Variants in SPART observed in about 807,000 individuals in gnomAD.
SPART encodes spastic paraplegia 20 (Troyer syndrome).
Under a neutral mutation model 58.7 loss-of-function variants are expected in SPART, and 35 were observed. The observed-to-expected ratio is 0.60, with a 90% CI of 0.46 to 0.79. The LOEUF (loss-of-function observed/expected upper bound fraction) is 0.79, where lower values mean the gene tolerates loss of function less well. Ranked by LOEUF, SPART falls within the 30% of genes least tolerant of loss-of-function variation. The pLI, the probability that SPART is intolerant of heterozygous loss-of-function variation, is 0.00. For missense variants in SPART, 730 were observed against 786.1 expected (o/e 0.93, Z 0.85); for synonymous variants, 284 against 280.7 (o/e 1.01, Z -0.12).
intron 5 of SPART, among the ~76,000 whole-genome samples, chr13:36,325,504 A>T (rs1275389800): frequency 6.6e-6 from 1 of 152,146 alleles, no homozygotes; most frequent in African/African-American, 2.4e-5. Context: ...GGACATGGAA[A>T]TCTGAATTGA....
At chr13:36,312,590 GT>G in intron 6 of SPART, 113 bp from the exon 7 acceptor site, 1 of 1,167,722 alleles carries the variant, frequency 8.6e-7, no homozygotes, top group Non-Finnish European at 1.2e-6. Context: ...ACTATATAAT[GT>G]TACAATTTCT....
Position 36,314,282 on chromosome 13 carries a change from T to A in SPART, c.1428A>T (p.Gly476=). 6.2e-7 allele frequency: 1 copy of A among 1,614,160 alleles called. No homozygotes were observed. The change falls in exon 6 of 9, where the codon GGA becomes GGT. Residue 476 remains glycine, a synonymous_variant. Transcript: ENST00000438666. The stretch of plus-strand genomic sequence containing the variant: ...CTGTAGCTTGCTTCGCTATATAAAG[T>A]CCCTTGGTGACAGCTGGACTAACTT... The part of the protein sequence containing the change: ...PVEVSPAVTK[G]LYIAKQATGG...
At chr13:36,360,916 A>T (rs932775316) in intron 1 of SPART, among the ~76,000 whole-genome samples, 2 of 152,206 alleles carry the variant, frequency 1.3e-5, no homozygotes, top group Non-Finnish European at 2.9e-5. Context: ...GATGCCATGC[A>T]GGCTCTAAAG....
chr13:36,344,191 T>C (rs1021386340), intron 1 of SPART, among the ~76,000 whole-genome samples: 3 of 152,144 alleles, frequency 2.0e-5, no homozygotes, highest in South Asian at 2.1e-4. Context: ...TAGAAAGTCA[T>C]GTGGCTTAAA....
At chr13:36,366,186 C>T (rs191545739) in intron 1 of SPART, among the ~76,000 whole-genome samples, 7 of 152,322 alleles carry the variant, frequency 4.6e-5, no homozygotes, top group African/African-American at 1.2e-4. Flanking sequence ...CCCTACTCAG[C>T]GCCGCCTCTC....
intron 1 of SPART, among the ~76,000 whole-genome samples, chr13:36,359,689 T>G (rs1401724874): frequency 6.6e-6 from 1 of 152,136 alleles, no homozygotes; most frequent in African/African-American, 2.4e-5. Flanking sequence ...GACAGCAAAT[T>G]GCAGTAGTCA....
chr13:36,353,448 G>A (rs915064508), intron 1 of SPART, among the ~76,000 whole-genome samples: 1 of 152,184 alleles, frequency 6.6e-6, no homozygotes, highest in African/African-American at 2.4e-5. Context: ...ATACACTGGA[G>A]GTTTTTAGCA....
At chr13:36,310,288 C>T (rs1035213310) in intron 8 of SPART, among the ~76,000 whole-genome samples, 2 of 152,064 alleles carry the variant, frequency 1.3e-5, no homozygotes, top group African/African-American at 4.8e-5. Context: ...CTTCTTTTTT[C>T]TTTCTAAATA....
At chr13:36,350,367 C>T (rs967650090), upstream of SPART, among the ~76,000 whole-genome samples, 4 of 152,198 alleles carry the variant, frequency 2.6e-5, no homozygotes, top group Admixed American at 1.3e-4. Context: ...TGGACACTGA[C>T]ATTTTCCACT....
intron 5 of SPART, among the ~76,000 whole-genome samples, chr13:36,318,119 G>A (rs1181689927): frequency 2.0e-5 from 3 of 151,818 alleles, no homozygotes; most frequent in Non-Finnish European, 4.4e-5. Context: ...TCCTCCCCAG[G>A]CTACTCCCTG....
At position 36,329,451 on chromosome 13, in the gene SPART, C is replaced by T. The variant is rs758054950; in HGVS notation, c.1075G>A (p.Asp359Asn). 1 of 1,614,104 alleles carries T rather than the reference C, an allele frequency of 6.2e-7. No homozygotes were observed. The part of the protein sequence containing the change: ...QIPGRTRPSS[D>N]QLKEASGTDV... ...GTGCCAGAGGCTTCTTTTAGTTGGTCAGAGGAGGGTCTAGTTCTTCCAGGG... is the reference window on the plus strand; with the variant it reads ...GTGCCAGAGGCTTCTTTTAGTTGGTTAGAGGAGGGTCTAGTTCTTCCAGGG... The change falls in exon 4 of 9, where the codon GAC becomes AAC. Residue 359 changes from aspartate (D) to asparagine (N), a missense_variant. Physicochemically the swap from Asp to Asn is conservative, Grantham distance 23 (BLOSUM62 1). Transcript: ENST00000438666.
At chr13:36,323,779 A>C (rs1476768301) in intron 5 of SPART, among the ~76,000 whole-genome samples, 1 of 152,226 alleles carries the variant, frequency 6.6e-6, no homozygotes, top group Non-Finnish European at 1.5e-5. Flanking sequence ...TAGGCAGTTA[A>C]ATAGTTTACA....
At chr13:36,334,233 G>A (rs906964695) in intron 2 of SPART, among the ~76,000 whole-genome samples, 2 of 152,066 alleles carry the variant, frequency 1.3e-5, no homozygotes, top group Admixed American at 1.3e-4. Context: ...GACTGTCACT[G>A]GACCACTCTC....
upstream of SPART, among the ~76,000 whole-genome samples, chr13:36,349,119 T>C (rs965902793): frequency 1.3e-5 from 2 of 151,994 alleles, no homozygotes; most frequent in Non-Finnish European, 2.9e-5. Context: ...CAAAATTACC[T>C]GGGCGTGGTG....
At chr13:36,320,719 T>G (rs906395277) in intron 5 of SPART, among the ~76,000 whole-genome samples, 7 of 152,130 alleles carry the variant, frequency 4.6e-5, no homozygotes, top group African/African-American at 1.7e-4. Context: ...CCTCTTAGTC[T>G]AGGTAGACAC....
intron 8 of SPART, among the ~76,000 whole-genome samples, chr13:36,306,622 G>GT (rs1047134527): frequency 3.9e-4 from 60 of 152,186 alleles, no homozygotes; most frequent in African/African-American, 1.4e-3. Flanking sequence ...ATTTCTGTAT[G>GT]TAACACAGTT....
intron 8 of SPART, among the ~76,000 whole-genome samples, chr13:36,304,953 T>A (rs1419413944): frequency 6.6e-6 from 1 of 152,190 alleles, no homozygotes; most frequent in Non-Finnish European, 1.5e-5. Flanking sequence ...TTTCTTTTTT[T>A]AATCCTCCCT....
At chr13:36,322,316 G>A (rs1197951061) in intron 5 of SPART, among the ~76,000 whole-genome samples, 2 of 152,138 alleles carry the variant, frequency 1.3e-5, no homozygotes, top group Non-Finnish European at 2.9e-5. Flanking sequence ...GTGTGGTGGT[G>A]TGCACCTGTA....
At position 36,302,776 on chromosome 13, in the gene SPART, A is replaced by C. The variant is rs1044494507; in HGVS notation, c.*1589T>G. ...CACTCTTTTATTTTTAAATGTATAA[A>C]GTTATTGTTGACTGTAGTCACCCTG... On this transcript the variant is annotated 3_prime_UTR_variant, in exon 9 of 9. Coordinates refer to ENST00000438666, the MANE Select transcript of SPART (RefSeq NM_015087.5). 6.6e-6 allele frequency: 1 copy of C among 152,180 alleles called. No individual in the cohort carries two copies. Among genetic ancestry groups the C allele is most frequent in the Non-Finnish European group, 1.5e-5 (1 of 68,024 alleles). 9.4% of individuals were successfully genotyped at this position (152,180 alleles called of 1,614,324 possible). A position where few individuals can be genotyped will look rare whatever the true frequency, so the allele number is the denominator to read the frequency against.
Sources: gnomAD v4.1 joint callset for allele counts (sites outside exome capture counted in the v4.1 genomes callset) on GRCh38, gnomAD v4.1.1 for gene constraint, MANE v1.5 for transcripts, NCBI Gene and HGNC (gene_info 2026-07-23, HGNC 2026-07-21) for gene names.